JMJD1C: variants seen among roughly 807,000 people sequenced by gnomAD.
JMJD1C encodes the protein jumonji domain-containing protein 1C.
In JMJD1C, 31 loss-of-function variants were observed where a neutral mutation model predicts 245.3. That is an observed-to-expected ratio of 0.13 (90% CI 0.09 to 0.17). The LOEUF is 0.17. Ranked by LOEUF, JMJD1C falls within the 10% of genes least tolerant of loss-of-function variation. The pLI is 1.00. For missense variants in JMJD1C, 2,691 were observed against 3,000.2 expected (o/e 0.90, Z 2.41); for synonymous variants, 1,057 against 1,017.4 (o/e 1.04, Z -0.74).
At chr10:63,250,338 T>C (rs1441391069) in intron 3 of JMJD1C, among the ~76,000 whole-genome samples, 1 of 152,086 alleles carries the variant, frequency 6.6e-6, no homozygotes, top group Non-Finnish European at 1.5e-5. Flanking sequence ...TAAATATAAA[T>C]ACAGATAAGT....
chr10:63,195,015 T>C (rs1225013395), intron 13 of JMJD1C, among the ~76,000 whole-genome samples: 1 of 152,146 alleles, frequency 6.6e-6, no homozygotes, highest in Non-Finnish European at 1.5e-5. Context: ...ACGACGTGGC[T>C]ACAAGAGTTT....
At chr10:63,428,675 A>C (rs1046614882) in intron 1 of JMJD1C, among the ~76,000 whole-genome samples, 1 of 152,220 alleles carries the variant, frequency 6.6e-6, no homozygotes, top group Admixed American at 6.5e-5. Context: ...CAAAACATAA[A>C]AGAAAATTAA....
intron 2 of JMJD1C, among the ~76,000 whole-genome samples, chr10:63,311,724 G>GTA (rs1939222872): frequency 6.6e-6 from 1 of 152,132 alleles, no homozygotes; most frequent in South Asian, 2.1e-4. Flanking sequence ...TACACATATA[G>GTA]TATAAAAGCG....
intron 3 of JMJD1C, among the ~76,000 whole-genome samples, chr10:63,235,319 A>C (rs1330496801): frequency 6.6e-6 from 1 of 152,110 alleles, no homozygotes; most frequent in Admixed American, 6.5e-5. Flanking sequence ...AACACAGTGA[A>C]ACCCCATCGC....
rs1940260342 is a variant in JMJD1C at position 63,317,653 on chromosome 10, T to C, written c.334-52889A>G. ...ATTTCGTACATTATTTAATCAAATA[T>C]TTTCACTGGCTGCCTCCTTGTCCTT... is the stretch of plus-strand genomic sequence containing the variant. On this transcript the variant is annotated intron_variant, in intron 2 of 25. Coordinates refer to ENST00000399262, the MANE Select transcript of JMJD1C (RefSeq NM_032776.3). Among the ~76,000 whole-genome samples, 4 of 152,132 alleles carry C rather than the reference T, an allele frequency of 2.6e-5. No homozygotes were observed. The South Asian group carries it at 8.3e-4, about 32-fold the overall frequency.
chr10:63,473,078 CA>C (rs1953545490), intron 1 of JMJD1C, among the ~76,000 whole-genome samples: 1 of 151,874 alleles, frequency 6.6e-6, no homozygotes, highest in African/African-American at 2.4e-5. Context: ...CCACTGCCCC[CA>C]GCCTAATTCA....
At chr10:63,437,165 A>G (rs1951102488) in intron 1 of JMJD1C, among the ~76,000 whole-genome samples, 2 of 152,168 alleles carry the variant, frequency 1.3e-5, no homozygotes, top group Non-Finnish European at 2.9e-5. Flanking sequence ...GCTGGAGATG[A>G]GTGACTGTAG....
intron 2 of JMJD1C, among the ~76,000 whole-genome samples, chr10:63,290,163 A>C (rs890545598): frequency 6.6e-6 from 1 of 152,218 alleles, no homozygotes; most frequent in Non-Finnish European, 1.5e-5. Flanking sequence ...AGGAAGGTCT[A>C]AACTTTTATA....
chr10:63,259,470 C>T (rs1252258837), intron 3 of JMJD1C, among the ~76,000 whole-genome samples: 2 of 152,122 alleles, frequency 1.3e-5, no homozygotes, highest in Non-Finnish European at 1.5e-5. Context: ...CAAACTTACC[C>T]TAGGCAACTG....
intron 1 of JMJD1C, among the ~76,000 whole-genome samples, chr10:63,385,243 G>A (rs1947495920): frequency 6.6e-6 from 1 of 151,768 alleles, no homozygotes; most frequent in Admixed American, 6.6e-5. Flanking sequence ...GATCACTGAT[G>A]ACACATCACC....
At chr10:63,340,478 A>G (rs1943267211) in intron 2 of JMJD1C, among the ~76,000 whole-genome samples, 1 of 152,190 alleles carries the variant, frequency 6.6e-6, no homozygotes, top group Non-Finnish European at 1.5e-5. Context: ...AAAATGTCAA[A>G]AAGTCCTTCA....
At position 63,183,505 on chromosome 10, in the gene JMJD1C, A is replaced by G; in HGVS notation, c.7026T>C (p.Val2342=). 6.2e-7 allele frequency: 1 copy of G among 1,606,622 alleles called. No homozygotes were observed. The highest frequency in any genetic ancestry group is 8.5e-7 in the Non-Finnish European group (1 of 1,174,776). ...TGCCAACATAAACTAGTATATTTAC[A>G]ACATCAGAAACTTCAATATGGAGAT... ...TTNLHIEVSD[V]VNILVYVGIA... is the part of the protein sequence containing the mutation. The change falls in exon 22 of 26, where the codon GTT becomes GTC. Residue 2342 remains valine (V), a synonymous_variant. Transcript: ENST00000399262.
chr10:63,344,975 A>G (rs1224852636), intron 2 of JMJD1C, among the ~76,000 whole-genome samples: 3 of 152,222 alleles, frequency 2.0e-5, no homozygotes, highest in African/African-American at 7.2e-5. Flanking sequence ...GGCAGCTGCT[A>G]TTTATAAAAT....
At chr10:63,427,609 C>G (rs1484054069) in intron 1 of JMJD1C, 1 of 1,398,028 alleles carries the variant, frequency 7.2e-7, no homozygotes, top group Non-Finnish European at 1.0e-6. Context: ...CCATGCCCGG[C>G]TGATGGTGGT....
chr10:63,357,945 A>C (rs1190466414), intron 2 of JMJD1C, among the ~76,000 whole-genome samples: 2 of 10,942 alleles, frequency 1.8e-4, no homozygotes, highest in African/African-American at 3.5e-4. Flanking sequence ...CCAAGAACTA[A>C]ATAAAAAAAA....
intron 2 of JMJD1C, among the ~76,000 whole-genome samples, chr10:63,344,227 C>T (rs1486932613): frequency 1.3e-5 from 2 of 152,066 alleles, no homozygotes; most frequent in Admixed American, 1.3e-4. Flanking sequence ...TTTCCTTTAC[C>T]TTTTATATCA....
intron 1 of JMJD1C, among the ~76,000 whole-genome samples, chr10:63,387,228 C>T (rs1320097309): frequency 1.3e-5 from 2 of 152,064 alleles, no homozygotes; most frequent in Non-Finnish European, 2.9e-5. Flanking sequence ...ATACCTGATG[C>T]ATAGATATCA....
Position 63,507,644 on chromosome 10 carries a change from C to CAAAAAAAAAAAAAAAAAA in JMJD1C, n.113+14076_113+14093dup, listed in dbSNP as rs34738955. On this transcript the variant is annotated intron_variant and non_coding_transcript_variant, in intron 1 of 3. Coordinates refer to the JMJD1C transcript ENST00000633035. ...TGGGCAACAGAGTAAGACTCTGTCTCAAAAAAAAAAAAAAAAAAACAGTGG... is the reference window on the plus strand; with the variant it reads ...TGGGCAACAGAGTAAGACTCTGTCTCAAAAAAAAAAAAAAAAAAAAAAAAAAAAAAAAAAAAACAGTGG... 4.3e-3 allele frequency among the ~76,000 whole-genome samples: 255 copies of CAAAAAAAAAAAAAAAAAA among 58,754 alleles called. 68 individuals carry two copies. The highest frequency in any genetic ancestry group is 0.022 in the African/African-American group (224 of 10,320). 38.5% of individuals were successfully genotyped at this position (58,754 alleles called of 152,430 possible).
chr10:63,465,848 C>T lies in JMJD1C; in HGVS notation c.-186G>A. The T allele has an allele frequency of 1.4e-6, 1 of 719,460 alleles. No individual in the cohort carries two copies. The highest frequency in any genetic ancestry group is 2.7e-5 in the East Asian group (1 of 37,324). The allele number at this position is 719,460 out of a possible 1,614,324, so 44.6% of individuals were successfully genotyped here. On this transcript the variant is annotated 5_prime_UTR_variant, in exon 1 of 26. Transcript: ENST00000399262. ...AGCGACCTCGGGCCCTCCCCGCAAACACTCCTTTGGACTCCCAGATTCGCA... is the reference window on the plus strand; with the variant it reads ...AGCGACCTCGGGCCCTCCCCGCAAATACTCCTTTGGACTCCCAGATTCGCA...
Sources: allele counts gnomAD v4.1 joint callset (sites outside exome capture counted in the v4.1 genomes callset), GRCh38; gene constraint gnomAD v4.1.1; transcripts MANE v1.5; gene names NCBI Gene and HGNC (gene_info 2026-07-23, HGNC 2026-07-21).